Variants in MYH2 observed in about 807,000 individuals in gnomAD.
The protein encoded by MYH2 is myosin-2.
Under a neutral mutation model 228.1 loss-of-function variants are expected in MYH2, and 139 were observed. The observed-to-expected ratio is 0.61, with a 90% CI of 0.53 to 0.70. MYH2 has a LOEUF of 0.70. MYH2 is among the 30% of genes least tolerant of loss of function. The pLI, the probability that MYH2 is intolerant of heterozygous loss-of-function variation, is 0.00. For missense variants in MYH2, 1,809 were observed against 2,357.5 expected, an observed-to-expected ratio of 0.77 and a Z score of 4.82; for synonymous variants, 796 against 871.1, an observed-to-expected ratio of 0.91 and a Z score of 1.52.
In MYH2 at chr17:10,541,652, C is replaced by T. The variant is rs930401652; in HGVS notation, c.905-955G>A. On this transcript the variant is annotated intron_variant, in intron 10 of 39. Coordinates refer to ENST00000245503, the MANE Select transcript of MYH2 (RefSeq NM_017534.6). ...CCCACACCCTATTCGTACACTCCCT[C>T]CCCTTTGAAAATCACTAATAAAAAC... Among the ~76,000 whole-genome samples, 37 of 152,182 alleles carry T rather than the reference C, an allele frequency of 2.4e-4. 1 individual carries two copies. Among genetic ancestry groups the T allele is most frequent in the Admixed American group, 9.2e-4 (14 of 15,270 alleles).
chr17:10,537,157 C>G lies in MYH2; in HGVS notation c.1897+76G>C. On this transcript the variant is annotated intron_variant, in intron 16 of 39. Coordinates refer to ENST00000245503, the MANE Select transcript of MYH2 (RefSeq NM_017534.6). The surrounding 1 kb of genome is among the most constrained non-coding windows in gnomAD (Gnocchi z 4.0). Reference sequence around the variant, plus strand: ...CTTGGTCTGCAACCCTTCTGCCAGACCTAAGAGATCACTAGCTTCAATTTA... The same window carrying G: ...CTTGGTCTGCAACCCTTCTGCCAGAGCTAAGAGATCACTAGCTTCAATTTA... The G allele has an allele frequency of 6.3e-7, 1 of 1,591,898 alleles. No homozygotes were observed. Among genetic ancestry groups the G allele is most frequent in the South Asian group, 1.1e-5 (1 of 90,590 alleles).
At chr17:10,545,069 A>C (rs1022779870) in intron 5 of MYH2, among the ~76,000 whole-genome samples, 1 of 151,712 alleles carries the variant, frequency 6.6e-6, no homozygotes, top group African/African-American at 2.4e-5. Flanking sequence ...ATTTTTGCTC[A>C]TATTTATTTG....
chr17:10,529,819 A>T lies in MYH2; in HGVS notation c.2940+13T>A, dbSNP rs762588444. 1.9e-6 allele frequency: 3 copies of T among 1,613,984 alleles called. No homozygotes were observed. The highest frequency in any genetic ancestry group is 2.5e-6 in the Non-Finnish European group (3 of 1,180,022). On this transcript the variant is annotated intron_variant, in intron 23 of 39. Coordinates refer to ENST00000245503, the MANE Select transcript of MYH2 (RefSeq NM_017534.6). ...CAGAACCTCTATACAGTACTGTAGA[A>T]TATGATTGATACCTTGTTTTCTGTG...
In MYH2 at chr17:10,535,340, T is replaced by A; in HGVS notation, c.2000A>T (p.Asn667Ile). Residue 667 changes from asparagine (N) to isoleucine (I), a missense_variant, in exon 18 of 40, where the codon AAC (asparagine) becomes ATC (isoleucine). Physicochemically the swap from Asn to Ile is moderately radical, Grantham distance 149 (BLOSUM62 -3). This residue lies in a region of MYH2 where 276 missense variants were observed against 344.2 expected (regional missense o/e 0.80). Coordinates refer to ENST00000245503, the MANE Select transcript of MYH2 (RefSeq NM_017534.6). ...AAAGTGAGGATGGGTACTCCTGAGGTTGGTCATCAGCTTGTTCAAATTCTC... is the reference window on the plus strand; with the variant it reads ...AAAGTGAGGATGGGTACTCCTGAGGATGGTCATCAGCTTGTTCAAATTCTC... ...FRENLNKLMT[N>I]LRSTHPHFVR... 6.2e-7 allele frequency: 1 copy of A among 1,614,196 alleles called. No homozygotes were observed. The highest frequency in any genetic ancestry group is 8.5e-7 in the Non-Finnish European group (1 of 1,180,032).
At position 10,544,142 on chromosome 17, in the gene MYH2, A is replaced by G; in HGVS notation, c.506-15T>C. ...ATTCTCTCGGTCTACAAAAGAAATT[A>G]TAGACATTTAATACTGTTTTCTTAC... On this transcript the variant is annotated splice_polypyrimidine_tract_variant and intron_variant, in intron 5 of 39. Coordinates refer to ENST00000245503, the MANE Select transcript of MYH2 (RefSeq NM_017534.6). 1.2e-6 allele frequency: 2 copies of G among 1,610,828 alleles called. No individual in the cohort carries two copies. Among genetic ancestry groups the G allele is most frequent in the Non-Finnish European group, 1.7e-6 (2 of 1,177,054 alleles).
intron 10 of MYH2, among the ~76,000 whole-genome samples, chr17:10,541,842 T>C (rs1394301720): frequency 6.6e-6 from 1 of 152,186 alleles, no homozygotes; most frequent in Non-Finnish European, 1.5e-5. Flanking sequence ...TAACATTGAA[T>C]TATTGGGGGT....
intron 4 of MYH2, among the ~76,000 whole-genome samples, chr17:10,546,542 A>G (rs1440046904): frequency 6.6e-6 from 1 of 152,008 alleles, no homozygotes; most frequent in Non-Finnish European, 1.5e-5. Flanking sequence ...GATAAATGAG[A>G]TGATGTCCCT....
chr17:10,544,279 C>T lies in MYH2; in HGVS notation c.506-152G>A. 3.6e-6 allele frequency: 3 copies of T among 837,322 alleles called. No individual in the cohort carries two copies. In the South Asian group the frequency reaches 4.7e-5, roughly 13 times the overall value. The allele number at this position is 837,322 out of a possible 1,614,324, so 51.9% of individuals were successfully genotyped here. ...TTAGACCTACCACTTTCTCCCTCCC[C>T]AACTTTAGCACACATCCACCCATTT... On this transcript the variant is annotated intron_variant, in intron 5 of 39. Transcript: ENST00000245503.
chr17:10,538,143 T>C (rs1273104451), intron 14 of MYH2, among the ~76,000 whole-genome samples: 1 of 152,158 alleles, frequency 6.6e-6, no homozygotes, highest in Non-Finnish European at 1.5e-5. Flanking sequence ...TTATTCCCAT[T>C]ATCTTCTACA....
chr17:10,529,043 C>G lies in MYH2; in HGVS notation c.3391G>C (p.Glu1131Gln), dbSNP rs760335549. 2 of 1,614,252 alleles carry G rather than the reference C, an allele frequency of 1.2e-6. No homozygotes were observed. The highest frequency in any genetic ancestry group is 4.5e-5 in the East Asian group (2 of 44,878). ...IEELEEEIEA[E>Q]RASRAKAEKQ... ...TCTGCTTTGGCCCGGGAGGCCCGCTCTGCCTCGATTTCCTCCTCCAGCTCC... is the reference window on the plus strand; with the variant it reads ...TCTGCTTTGGCCCGGGAGGCCCGCTGTGCCTCGATTTCCTCCTCCAGCTCC... The change falls in exon 27 of 40, where the codon GAG becomes CAG. Residue 1131 changes from glutamate to glutamine, a missense_variant. Glu to Gln is a conservative substitution (Grantham distance 29, BLOSUM62 2). Coordinates refer to ENST00000245503, the MANE Select transcript of MYH2 (RefSeq NM_017534.6).
At chr17:10,543,596 G>A in intron 8 of MYH2, 115 bp downstream of exon 8, 1 of 1,463,458 alleles carries the variant, frequency 6.8e-7, no homozygotes, top group Non-Finnish European at 9.5e-7. Context: ...AGAGGAAAAG[G>A]AAAGAACAAT....
chr17:10,527,137 C>CT, intron 28 of MYH2, 81 bp from the exon 29 acceptor site: 1 of 1,277,232 alleles, frequency 7.8e-7, no homozygotes, highest in Admixed American at 1.7e-5. Context: ...AATTTTGACT[C>CT]TTATTTTCCC....
chr17:10,529,777 G>C (rs776567980), intron 23 of MYH2, 37 bp from the exon 24 acceptor site: 3 of 1,614,060 alleles, frequency 1.9e-6, no homozygotes, highest in Admixed American at 1.7e-5. Flanking sequence ...TTGCTATAAA[G>C]CACCTTTGTT....
chr17:10,533,365 C>T lies in MYH2; in HGVS notation c.2361G>A (p.Leu787=), dbSNP rs776936341. 3.1e-6 allele frequency: 5 copies of T among 1,614,194 alleles called. No homozygotes were observed. The highest frequency in any genetic ancestry group is 3.3e-5 in the Admixed American group (2 of 60,018). Residue 787 remains leucine (L), a synonymous_variant, in exon 21 of 40, where the codon CTG becomes CTA. Coordinates refer to ENST00000245503, the MANE Select transcript of MYH2 (RefSeq NM_017534.6). ...GLLEEMRDDK[L]AQLITRTQAR... Reference sequence around the variant, plus strand: ...CCTGGGTTCGGGTAATCAGCTGGGCCAGCTTGTCATCTCGCATCTCCTCTA... The same window carrying T: ...CCTGGGTTCGGGTAATCAGCTGGGCTAGCTTGTCATCTCGCATCTCCTCTA...
At chr17:10,541,851 G>A (rs1422455555) in intron 10 of MYH2, among the ~76,000 whole-genome samples, 3 of 152,202 alleles carry the variant, frequency 2.0e-5, no homozygotes, top group Non-Finnish European at 2.9e-5. Flanking sequence ...ATTATTGGGG[G>A]TGGGTTCCCC....
chr17:10,525,635 T>C lies in MYH2; in HGVS notation c.4372-19A>G. 6.2e-7 allele frequency: 1 copy of C among 1,614,164 alleles called. No homozygotes were observed. The highest frequency in any genetic ancestry group is 1.3e-5 in the African/African-American group (1 of 75,042). On this transcript the variant is annotated intron_variant, in intron 31 of 39. Transcript: ENST00000245503. This position sits in a 1 kb window ranked among gnomAD's most constrained non-coding sequence, Gnocchi z 4.2. ...CCAGGATCTGAAAAACCAAGACCTG[T>C]TACCTGCTGCAAAGACAAAAGAGTA...
chr17:10,534,244 C>T (rs1329715274), intron 19 of MYH2, among the ~76,000 whole-genome samples: 1 of 152,166 alleles, frequency 6.6e-6, no homozygotes, highest in Non-Finnish European at 1.5e-5. Context: ...GTTCCCTCTG[C>T]CTCCAGGAAA....
intron 21 of MYH2, among the ~76,000 whole-genome samples, chr17:10,532,527 C>T (rs1406720506): frequency 6.6e-6 from 1 of 151,840 alleles, no homozygotes; most frequent in African/African-American, 2.4e-5. Flanking sequence ...TGGATCATGA[C>T]CAAAATTTAT....
Position 10,525,771 on chromosome 17 carries a change from G to C in MYH2, c.4293C>G (p.Val1431=), listed in dbSNP as rs768773140. Residue 1431 remains valine (V), a synonymous_variant, in exon 31 of 40, where the codon GTC becomes GTG. Coordinates refer to ENST00000245503, the MANE Select transcript of MYH2 (RefSeq NM_017534.6). This position sits in a 1 kb window ranked among gnomAD's most constrained non-coding sequence, Gnocchi z 4.2. The part of the protein sequence containing the change: ...EKTKQRLQNE[V]EDLMLDVERT... ...TCTCCACATCAAGCATGAGGTCCTC[G>C]ACCTCATTCTGCAGCCGCTGCTTCG... 5.6e-6 allele frequency: 9 copies of C among 1,614,180 alleles called. No homozygotes were observed. Among genetic ancestry groups the C allele is most frequent in the Non-Finnish European group, 7.6e-6 (9 of 1,180,034 alleles).
Sources: gnomAD v4.1 joint callset for allele counts (sites outside exome capture counted in the v4.1 genomes callset) on GRCh38, gnomAD v4.1.1 for gene constraint, gnomAD v4.1.1 regional missense constraint, Gnocchi (gnomAD v3.1) non-coding constraint, MANE v1.5 for transcripts, NCBI Gene and HGNC (gene_info 2026-07-23, HGNC 2026-07-21) for gene names.